The following MAL variants were observed in gnomAD, a reference collection of about 807,000 sequenced individuals.
MAL encodes the protein mal, T cell differentiation protein (MAL blood group).
Under a neutral mutation model 16.7 loss-of-function variants are expected in MAL, and 5 were observed. The ratio of observed to expected loss-of-function variants is 0.30; its 90% CI spans 0.16 to 0.63. MAL has a LOEUF of 0.63. Among genes scored for constraint, MAL ranks in the 30% least tolerant of loss-of-function variants. The pLI is 0.82. For missense variants in MAL, 202 were observed against 195.8 expected (o/e 1.03, Z -0.19); for synonymous variants, 96 against 85.5 (o/e 1.12, Z -0.67).
intron 1 of MAL, among the ~76,000 whole-genome samples, chr2:95,037,547 A>C (rs564055197): frequency 6.6e-6 from 1 of 151,134 alleles, no homozygotes; most frequent in East Asian, 2.0e-4. Context: ...TGACTGAGTG[A>C]GTGAGTGAGT....
chr2:95,029,373 G>A (rs762521491), intron 1 of MAL, among the ~76,000 whole-genome samples: 8 of 152,132 alleles, frequency 5.3e-5, no homozygotes, highest in South Asian at 4.2e-4. Context: ...ACATGTTTTC[G>A]CACTTTATGA....
chr2:95,052,867 A>G (rs1674749095), intron 3 of MAL, among the ~76,000 whole-genome samples: 1 of 152,134 alleles, frequency 6.6e-6, no homozygotes. Context: ...CACCTGTGAT[A>G]TTAAGAATCC....
chr2:95,038,546 GAC>G (rs1674324650), intron 1 of MAL, among the ~76,000 whole-genome samples: 1 of 151,100 alleles, frequency 6.6e-6, no homozygotes. Context: ...GTGACTGAGT[GAC>G]TGAGTGAGTG....
At chr2:95,031,807 G>A (rs919190181) in intron 1 of MAL, among the ~76,000 whole-genome samples, 3 of 152,198 alleles carry the variant, frequency 2.0e-5, no homozygotes, top group Non-Finnish European at 4.4e-5. Flanking sequence ...CTGATCTTCC[G>A]TGTTTTCTCC....
At chr2:95,033,545 A>G (rs1260188444) in intron 1 of MAL, among the ~76,000 whole-genome samples, 1 of 152,068 alleles carries the variant, frequency 6.6e-6, no homozygotes, top group Non-Finnish European at 1.5e-5. Context: ...TGGGAGGTCA[A>G]GGTGAGAGGA....
chr2:95,036,375 C>T (rs1252628554), intron 1 of MAL, among the ~76,000 whole-genome samples: 1 of 152,182 alleles, frequency 6.6e-6, no homozygotes, highest in Non-Finnish European at 1.5e-5. Context: ...TCCTGTGTGA[C>T]GTTTGGTATC....
At chr2:95,027,844 C>T (rs761065033) in intron 1 of MAL, among the ~76,000 whole-genome samples, 1 of 152,056 alleles carries the variant, frequency 6.6e-6, no homozygotes, top group African/African-American at 2.4e-5. Context: ...CCCAGCTACT[C>T]GAGAGGTTTT....
intron 1 of MAL, among the ~76,000 whole-genome samples, chr2:95,028,917 C>T (rs948371393): frequency 2.0e-5 from 3 of 152,262 alleles, no homozygotes; most frequent in South Asian, 4.1e-4. Context: ...ATTGTTTAAT[C>T]GCTATGTGGT....
chr2:95,041,545 G>T (rs1674467136), intron 1 of MAL, among the ~76,000 whole-genome samples: 1 of 152,134 alleles, frequency 6.6e-6, no homozygotes, highest in Non-Finnish European at 1.5e-5. Context: ...GCCGGGTGCT[G>T]GTCCCCTGCA....
chr2:95,033,271 T>C (rs1359700513), intron 1 of MAL, among the ~76,000 whole-genome samples: 1 of 152,236 alleles, frequency 6.6e-6, no homozygotes, highest in Admixed American at 6.5e-5. Context: ...AGCCCCTCCC[T>C]CTTCTTCAGA....
At chr2:95,032,465 G>C (rs3105098) in intron 1 of MAL, among the ~76,000 whole-genome samples, 123,287 of 152,222 alleles carry the variant, frequency 0.81, 50,371 homozygotes, top group African/African-American at 0.9. Flanking sequence ...CCCCTCCAGT[G>C]TCAGTGCCGG....
intron 1 of MAL, among the ~76,000 whole-genome samples, chr2:95,037,580 GTGAC>G (rs1191980626): frequency 3.3e-5 from 5 of 151,820 alleles, no homozygotes; most frequent in African/African-American, 1.2e-4. Flanking sequence ...GAGTGACTGA[GTGAC>G]TGAGTGAGTG....
chr2:95,037,938 GA>G (rs1674287721), intron 1 of MAL, among the ~76,000 whole-genome samples: 2 of 150,296 alleles, frequency 1.3e-5, no homozygotes, highest in African/African-American at 2.4e-5. Flanking sequence ...GTGAGTGAGT[GA>G]GTAACTGAGT....
Position 95,053,571 on chromosome 2 carries a change from A to G in MAL, c.*116A>G. ...TGATGGTGGAAAAAAGAAAACAACC[A>G]CCCCCCCACTGCCCAAAAAAAAAAG... On this transcript the variant is annotated 3_prime_UTR_variant, in exon 4 of 4. Coordinates refer to ENST00000309988, the MANE Select transcript of MAL (RefSeq NM_002371.4). 2 of 581,206 alleles carry G rather than the reference A, an allele frequency of 3.4e-6. No individual in the cohort carries two copies. The highest frequency in any genetic ancestry group is 5.5e-6 in the Non-Finnish European group (2 of 363,760). The allele number at this position is 581,206 out of a possible 1,614,324, so 36.0% of individuals were successfully genotyped here.
chr2:95,028,560 C>T (rs1403798264), intron 1 of MAL, among the ~76,000 whole-genome samples: 2 of 152,152 alleles, frequency 1.3e-5, no homozygotes, highest in East Asian at 3.9e-4. Flanking sequence ...AGCAATTCCA[C>T]TCCTGGGTAT....
At chr2:95,031,151 G>A (rs1288407460) in intron 1 of MAL, among the ~76,000 whole-genome samples, 1 of 152,190 alleles carries the variant, frequency 6.6e-6, no homozygotes, top group Non-Finnish European at 1.5e-5. Flanking sequence ...CTGGGTCACC[G>A]GGTCTCCAGG....
intron 1 of MAL, among the ~76,000 whole-genome samples, chr2:95,041,845 G>C (rs1674474989): frequency 6.6e-6 from 1 of 152,110 alleles, no homozygotes; most frequent in Non-Finnish European, 1.5e-5. Flanking sequence ...ATTTCATTGG[G>C]TAGACCATGG....
At chr2:95,026,628 T>G (rs1285429805) in intron 1 of MAL, 4 of 151,938 alleles carry the variant, frequency 2.6e-5, no homozygotes, top group Admixed American at 2.6e-4. Flanking sequence ...TGCCTGAGGC[T>G]GCAGGAAAGC....
At chr2:95,037,894 GGGTGAGTGAGTGACTT>G (rs1372416515) in intron 1 of MAL, among the ~76,000 whole-genome samples, 4 of 151,184 alleles carry the variant, frequency 2.6e-5, no homozygotes, top group South Asian at 2.1e-4. Flanking sequence ...GTGACCGAGT[GGGTGAGTGAGTGACTT>G]GGTGAGTGAG....
Sources: gnomAD v4.1 joint callset for allele counts (sites outside exome capture counted in the v4.1 genomes callset) on GRCh38, gnomAD v4.1.1 for gene constraint, MANE v1.5 for transcripts, NCBI Gene and HGNC (gene_info 2026-07-23, HGNC 2026-07-21) for gene names.